Variants in MARCHF11 observed in about 807,000 individuals in gnomAD.
MARCHF11 encodes the protein E3 ubiquitin-protein ligase MARCHF11.
A neutral mutation model predicts 37.3 loss-of-function variants in MARCHF11; 29 were observed. The ratio of observed to expected loss-of-function variants is 0.78; its 90% CI spans 0.58 to 1.06. MARCHF11 has a LOEUF of 1.06. Ranked by LOEUF, MARCHF11 falls within the 50% of genes least tolerant of loss-of-function variation. MARCHF11 has a pLI of 0.00. For missense variants in MARCHF11, 482 were observed against 533.4 expected (o/e 0.90, Z 0.95); for synonymous variants, 233 against 228.0 (o/e 1.02, Z -0.20).
chr5:16,167,781 T>C (rs1291643747), intron 2 of MARCHF11, among the ~76,000 whole-genome samples: 4 of 152,132 alleles, frequency 2.6e-5, no homozygotes, highest in East Asian at 1.9e-4. Context: ...ATTTAAGTTC[T>C]AGAAGCAGAG....
At chr5:16,106,011 A>T (rs1341849560) in intron 2 of MARCHF11, among the ~76,000 whole-genome samples, 1 of 152,114 alleles carries the variant, frequency 6.6e-6, no homozygotes, top group Non-Finnish European at 1.5e-5. Flanking sequence ...ACCAAACAAC[A>T]CTGCATGTCG....
At chr5:16,094,936 T>C (rs769220849) in intron 2 of MARCHF11, among the ~76,000 whole-genome samples, 1 of 152,204 alleles carries the variant, frequency 6.6e-6, no homozygotes, top group Non-Finnish European at 1.5e-5. Flanking sequence ...GGAATTACTA[T>C]TGTTATCCCC....
rs1377537186 is a variant in MARCHF11, at chr5:16,091,011, A to G, written c.764T>C (p.Leu255Ser). ...MIAVILGSLF[L>S]IASVTWLLWS... The stretch of plus-strand genomic sequence containing the variant: ...GAGGAGCCAAGTCACACTGGCTATT[A>G]AGAACAGGGATCCTAGGATTACAGC... The change falls in exon 3 of 4, where the codon TTA (leucine) becomes TCA (serine). Residue 255 changes from leucine to serine, a missense_variant. Physicochemically the swap from Leu to Ser is moderately radical, Grantham distance 145. Transcript: ENST00000332432. The G allele has an allele frequency of 6.2e-7, 1 of 1,611,548 alleles. No individual in the cohort carries two copies. Among genetic ancestry groups the G allele is most frequent in the Non-Finnish European group, 8.5e-7 (1 of 1,178,932 alleles).
chr5:16,153,934 G>A (rs1363643810), intron 2 of MARCHF11, among the ~76,000 whole-genome samples: 1 of 151,918 alleles, frequency 6.6e-6, no homozygotes, highest in Non-Finnish European at 1.5e-5. Flanking sequence ...CATGGGGAAT[G>A]TGGATGTGAT....
chr5:16,154,784 TAAC>T (rs941047396), intron 2 of MARCHF11, among the ~76,000 whole-genome samples: 2 of 151,916 alleles, frequency 1.3e-5, no homozygotes, highest in East Asian at 3.9e-4. Context: ...AAGTTTAAAA[TAAC>T]AACATATCAT....
chr5:16,159,773 A>T (rs1273041597), intron 2 of MARCHF11, among the ~76,000 whole-genome samples: 1 of 151,878 alleles, frequency 6.6e-6, no homozygotes, highest in Non-Finnish European at 1.5e-5. Context: ...GATCCTCAGG[A>T]GATGGTCGGT....
intron 2 of MARCHF11, among the ~76,000 whole-genome samples, chr5:16,103,874 A>AG (rs1433633931): frequency 6.6e-6 from 1 of 152,118 alleles, no homozygotes; most frequent in Non-Finnish European, 1.5e-5. Flanking sequence ...AGGAAGACCA[A>AG]GGGGCACCGA....
chr5:16,116,719 G>A (rs1737231808), intron 2 of MARCHF11, among the ~76,000 whole-genome samples: 1 of 151,798 alleles, frequency 6.6e-6, no homozygotes, highest in Admixed American at 6.6e-5. Context: ...AGAATGCAAA[G>A]ATCTATCATA....
rs1017917272 is a variant in MARCHF11 at position 16,179,479 on chromosome 5, T to TCGG, written c.94_96dup (p.Pro32dup). 1.2e-3 allele frequency: 1,404 copies of TCGG among 1,131,608 alleles called. 15 individuals carry two copies. The African/African-American group carries it at 0.022, about 17-fold the overall frequency. The allele number at this position is 1,131,608 out of a possible 1,614,324, so 70.1% of individuals were successfully genotyped here. A position where few individuals can be genotyped will look rare whatever the true frequency, so the allele number is the denominator to read the frequency against. On this transcript the variant is annotated inframe_insertion, in exon 1 of 4. Transcript: ENST00000332432. ...GGGGCCGGCTCTCCCGGCGGCGGCGTCGGCGGCGGCGGCGGGGGAGGTTGC... is the reference window on the plus strand; with the variant it reads ...GGGGCCGGCTCTCCCGGCGGCGGCGTCGGCGGCGGCGGCGGCGGGGGAGGTTGC...
chr5:16,160,313 A>G (rs1428267198), intron 2 of MARCHF11, among the ~76,000 whole-genome samples: 1 of 33,194 alleles, frequency 3.0e-5, no homozygotes, highest in Non-Finnish European at 9.8e-5. Context: ...TTTAATATTT[A>G]ATATAAACAT....
At chr5:16,093,755 G>A (rs1736821890) in intron 2 of MARCHF11, among the ~76,000 whole-genome samples, 1 of 152,136 alleles carries the variant, frequency 6.6e-6, no homozygotes, top group South Asian at 2.1e-4. Flanking sequence ...ATTATGTCCG[G>A]AGGCAAGGAA....
intron 3 of MARCHF11, among the ~76,000 whole-genome samples, chr5:16,070,696 G>A (rs1421466938): frequency 6.6e-6 from 1 of 152,236 alleles, no homozygotes; most frequent in East Asian, 1.9e-4. Flanking sequence ...AATCCCACAG[G>A]TCTTTATAGT....
At chr5:16,164,435 T>C (rs1738137232) in intron 2 of MARCHF11, among the ~76,000 whole-genome samples, 1 of 152,044 alleles carries the variant, frequency 6.6e-6, no homozygotes, top group Non-Finnish European at 1.5e-5. Context: ...CAGACATGTA[T>C]AGAGCACTCC....
chr5:16,141,501 G>A (rs1737707051), intron 2 of MARCHF11: 1 of 152,146 alleles, frequency 6.6e-6, no homozygotes, highest in African/African-American at 2.4e-5. Flanking sequence ...AAGCCATCTG[G>A]AAACTGATAA....
intron 2 of MARCHF11, among the ~76,000 whole-genome samples, chr5:16,101,915 C>A (rs763730213): frequency 1.3e-5 from 2 of 152,266 alleles, no homozygotes; most frequent in Non-Finnish European, 2.9e-5. Flanking sequence ...GGCAGATTAG[C>A]CCTTGCATGA....
chr5:16,132,157 C>T (rs780913058), intron 2 of MARCHF11, among the ~76,000 whole-genome samples: 3 of 152,224 alleles, frequency 2.0e-5, no homozygotes, highest in African/African-American at 4.8e-5. Context: ...AACAGGTTTA[C>T]TGCCATGTTC....
At chr5:16,141,410 C>T (rs1285363430) in intron 2 of MARCHF11, 1 of 152,130 alleles carries the variant, frequency 6.6e-6, no homozygotes, top group African/African-American at 2.4e-5. Context: ...GTCAACACTC[C>T]CAAAGTTTCA....
chr5:16,174,098 C>G (rs1738317393), intron 2 of MARCHF11, among the ~76,000 whole-genome samples: 1 of 152,156 alleles, frequency 6.6e-6, no homozygotes, highest in African/African-American at 2.4e-5. Flanking sequence ...AATACTGAAG[C>G]CATTCATAAA....
At chr5:16,093,776 A>G (rs996621612) in intron 2 of MARCHF11, among the ~76,000 whole-genome samples, 2 of 152,082 alleles carry the variant, frequency 1.3e-5, no homozygotes, top group Non-Finnish European at 1.5e-5. Context: ...AAAAAGAACA[A>G]CCTTTGATTA....
Sources: gnomAD v4.1 joint callset for allele counts (sites outside exome capture counted in the v4.1 genomes callset) on GRCh38, gnomAD v4.1.1 for gene constraint, MANE v1.5 for transcripts, NCBI Gene and HGNC (gene_info 2026-07-23, HGNC 2026-07-21) for gene names.